The following HDAC4 variants were observed in gnomAD, a reference collection of about 807,000 sequenced individuals.
HDAC4 encodes histone deacetylase 4.
Under a neutral mutation model 135.1 loss-of-function variants are expected in HDAC4, and 16 were observed. That is an observed-to-expected ratio of 0.12 (90% CI 0.08 to 0.18). HDAC4 has a LOEUF of 0.18. Ranked by LOEUF, HDAC4 falls within the 10% of genes least tolerant of loss-of-function variation. The pLI is 1.00. For synonymous variants in HDAC4, 685 were observed against 653.4 expected (o/e 1.05, Z -0.74); for missense variants, 1,143 against 1,511.8 (o/e 0.76, Z 4.05).
intron 2 of HDAC4, among the ~76,000 whole-genome samples, chr2:239,343,571 G>C (rs950567445): frequency 7.2e-5 from 11 of 152,264 alleles, no homozygotes; most frequent in African/African-American, 2.4e-4. Flanking sequence ...TTCAGCCTCA[G>C]GTCCTTTCTA....
At chr2:239,320,927 C>T (rs900784882) in intron 2 of HDAC4, among the ~76,000 whole-genome samples, 4 of 152,158 alleles carry the variant, frequency 2.6e-5, no homozygotes, top group African/African-American at 9.7e-5. Context: ...ATTATTTTAT[C>T]TAATCTTTTT....
intron 3 of HDAC4, among the ~76,000 whole-genome samples, chr2:239,200,098 A>G (rs2153071133): frequency 6.6e-6 from 1 of 152,286 alleles, no homozygotes; most frequent in South Asian, 2.1e-4. Context: ...AGTCTTAGAG[A>G]CCACAGTCTG....
chr2:239,109,275 A>C (rs1299842087), intron 14 of HDAC4, among the ~76,000 whole-genome samples: 1 of 152,238 alleles, frequency 6.6e-6, no homozygotes, highest in Admixed American at 6.5e-5. Context: ...ATGTGGGTTC[A>C]TCCAGGCTGA....
At chr2:239,158,317 A>G (rs2042554289) in intron 6 of HDAC4, among the ~76,000 whole-genome samples, 1 of 152,160 alleles carries the variant, frequency 6.6e-6, no homozygotes, top group Non-Finnish European at 1.5e-5. Context: ...TTTTTCCTTC[A>G]TGGGAAACAC....
chr2:239,235,044 A>C (rs572756755), intron 3 of HDAC4, among the ~76,000 whole-genome samples: 3 of 152,270 alleles, frequency 2.0e-5, no homozygotes, highest in South Asian at 2.1e-4. Flanking sequence ...CATAAGCCAA[A>C]ATTTTAAAAT....
chr2:239,364,212 C>T (rs1171330510), intron 1 of HDAC4, among the ~76,000 whole-genome samples: 1 of 152,172 alleles, frequency 6.6e-6, no homozygotes, highest in African/African-American at 2.4e-5. Flanking sequence ...AGGCATCTAC[C>T]CAACAGAAAG....
At chr2:239,197,120 C>T (rs962027779) in intron 3 of HDAC4, among the ~76,000 whole-genome samples, 24 of 152,310 alleles carry the variant, frequency 1.6e-4, no homozygotes, top group African/African-American at 5.3e-4. Flanking sequence ...ACTCAGGCTC[C>T]AGCTGTGTCT....
chr2:239,191,977 TCTGA>T (rs1188090360), intron 3 of HDAC4, among the ~76,000 whole-genome samples: 30 of 152,346 alleles, frequency 2.0e-4, no homozygotes, highest in African/African-American at 7.0e-4. Flanking sequence ...AATCCTCCTC[TCTGA>T]CTGTTTCTGT....
intron 16 of HDAC4, among the ~76,000 whole-genome samples, chr2:239,099,080 C>A (rs191613748): frequency 1.3e-5 from 2 of 152,330 alleles, no homozygotes; most frequent in East Asian, 3.9e-4. Flanking sequence ...AAGGGGTCTT[C>A]CTTTTTGATC....
At position 239,156,807 on chromosome 2, in the gene HDAC4, A is replaced by C. The variant is rs1170329172; in HGVS notation, c.612-34T>G. On this transcript the variant is annotated intron_variant, in intron 6 of 26. Transcript: ENST00000543185. The stretch of plus-strand genomic sequence containing the variant: ...AAGGCAAAGACAGATGGTTTAGTTT[A>C]CCCAGCGCACTGCCCCAGGCATGCT... The C allele has an allele frequency of 1.9e-6, 3 of 1,613,462 alleles. No homozygotes were observed. In the Admixed American group the frequency reaches 5.0e-5, roughly 27 times the overall value.
chr2:239,221,053 T>C (rs1472676124), intron 3 of HDAC4, among the ~76,000 whole-genome samples: 3 of 152,152 alleles, frequency 2.0e-5, no homozygotes, highest in Non-Finnish European at 2.9e-5. Flanking sequence ...GGCGGTGGCG[T>C]GTGACCCGCT....
At chr2:239,280,974 A>T (rs1482846629) in intron 2 of HDAC4, among the ~76,000 whole-genome samples, 2,344 of 110,582 alleles carry the variant, frequency 0.021, 70 homozygotes, top group Non-Finnish European at 0.027. Context: ...CTCTACAATG[A>T]ACACACCACT....
At chr2:239,390,604 G>A (rs1696133763) in intron 1 of HDAC4, among the ~76,000 whole-genome samples, 1 of 152,030 alleles carries the variant, frequency 6.6e-6, no homozygotes, top group Admixed American at 6.5e-5. Context: ...CCCTTAGAGT[G>A]CCTTTCCCAC....
chr2:239,099,735 G>A (rs904256171), intron 16 of HDAC4, among the ~76,000 whole-genome samples: 3 of 152,192 alleles, frequency 2.0e-5, no homozygotes, highest in African/African-American at 7.2e-5. Context: ...TTCTCCCCAA[G>A]GAGCGCGTGC....
chr2:239,181,617 T>G (rs1278252171), intron 4 of HDAC4, among the ~76,000 whole-genome samples: 1 of 152,238 alleles, frequency 6.6e-6, no homozygotes, highest in Non-Finnish European at 1.5e-5. Context: ...AGGGCAGCGC[T>G]GGCCTCCGAA....
At chr2:239,157,687 G>C (rs977843882) in intron 6 of HDAC4, among the ~76,000 whole-genome samples, 2 of 152,206 alleles carry the variant, frequency 1.3e-5, no homozygotes, top group Non-Finnish European at 2.9e-5. Flanking sequence ...CAAATTTGCC[G>C]ACTTACTTAT....
At chr2:239,225,965 T>C (rs932536366) in intron 3 of HDAC4, among the ~76,000 whole-genome samples, 1 of 152,078 alleles carries the variant, frequency 6.6e-6, no homozygotes, top group African/African-American at 2.4e-5. Context: ...GGCGAAAACA[T>C]GACATTAGGG....
chr2:239,219,550 A>G (rs1169126117), intron 3 of HDAC4, among the ~76,000 whole-genome samples: 22 of 152,166 alleles, frequency 1.4e-4, no homozygotes, highest in Admixed American at 1.3e-3. Context: ...GCACACCAGC[A>G]TGGCACATGT....
intron 1 of HDAC4, among the ~76,000 whole-genome samples, chr2:239,389,858 G>A (rs1005349625): frequency 4.6e-5 from 7 of 152,332 alleles, no homozygotes; most frequent in East Asian, 1.9e-4. Context: ...CCCAGGCTGA[G>A]CCACTCGGTG....
Sources: allele counts gnomAD v4.1 joint callset (sites outside exome capture counted in the v4.1 genomes callset), GRCh38; gene constraint gnomAD v4.1.1; transcripts MANE v1.5; gene names NCBI Gene and HGNC (gene_info 2026-07-23, HGNC 2026-07-21).